Variants in CHST15 observed in about 807,000 individuals in gnomAD.
The protein encoded by CHST15 is carbohydrate sulfotransferase 15, also known as B cell RAG associated protein (GALNAC4S-6ST).
CHST15 carries 30 observed loss-of-function variants against 53.6 expected under a neutral mutation model. The ratio of observed to expected loss-of-function variants is 0.56; its 90% CI spans 0.42 to 0.76. The LOEUF is 0.76. Among genes scored for constraint, CHST15 ranks in the 30% least tolerant of loss-of-function variants. The probability of loss-of-function intolerance (pLI) is 0.00; values close to 1 mark genes in which losing one functional copy is unlikely to be tolerated. For missense variants in CHST15, 627 were observed against 740.5 expected (o/e 0.85, Z 1.78); for synonymous variants, 296 against 289.8 (o/e 1.02, Z -0.22).
intron 1 of CHST15, among the ~76,000 whole-genome samples, chr10:124,070,870 C>T (rs1216416735): frequency 6.6e-6 from 1 of 152,184 alleles, no homozygotes; most frequent in African/African-American, 2.4e-5. Context: ...CGACCCACTA[C>T]CAGGCTCACC....
In CHST15 at chr10:124,036,766, C is replaced by G. The variant is rs1947513515; in HGVS notation, c.1190+1749G>C. The stretch of plus-strand genomic sequence containing the variant: ...AGGTGAGAAATTAATAGTTTGAAAA[C>G]AGTTTTCCAATATATGTTCCAAAAT... On this transcript the variant is annotated intron_variant, in intron 5 of 7. Transcript: ENST00000435907. The surrounding 1 kb of genome is among the most constrained non-coding windows in gnomAD (Gnocchi z 5.1). Among the ~76,000 whole-genome samples, 2 of 152,138 alleles carry G rather than the reference C, an allele frequency of 1.3e-5. No individual in the cohort carries two copies. The highest frequency in any genetic ancestry group is 4.1e-4 in the South Asian group (2 of 4,832).
intron 7 of CHST15, chr10:124,011,776 C>T: frequency 1.0e-6 from 1 of 985,322 alleles, no homozygotes; most frequent in Non-Finnish European, 1.2e-6. Flanking sequence ...CCATGATCAG[C>T]AGCCAAAACT....
intron 1 of CHST15, among the ~76,000 whole-genome samples, chr10:124,078,582 G>C (rs983769834): frequency 2.6e-5 from 4 of 152,186 alleles, no homozygotes; most frequent in Non-Finnish European, 5.9e-5. Context: ...CATCAGAGAC[G>C]ATGCACCCAT....
At chr10:124,025,390 G>A (rs953811182) in intron 5 of CHST15, among the ~76,000 whole-genome samples, 1 of 152,152 alleles carries the variant, frequency 6.6e-6, no homozygotes, top group South Asian at 2.1e-4. Context: ...CTCCTTCCTC[G>A]GCTGGATGAA....
intron 1 of CHST15, among the ~76,000 whole-genome samples, chr10:124,058,112 T>C (rs1298532044): frequency 2.6e-5 from 4 of 152,192 alleles, no homozygotes; most frequent in African/African-American, 7.2e-5. Flanking sequence ...CACACCAGTG[T>C]AGGGACTAGA....
chr10:124,077,169 G>T (rs181064573), intron 1 of CHST15, among the ~76,000 whole-genome samples: 3 of 152,204 alleles, frequency 2.0e-5, no homozygotes, highest in Admixed American at 6.5e-5. Flanking sequence ...TAGAGCCAAA[G>T]AACAGATACT....
Position 124,009,284 on chromosome 10 carries a change from A to G in CHST15, c.*865T>C, listed in dbSNP as rs1946347871. 9.1e-7 allele frequency: 1 copy of G among 1,098,884 alleles called. No homozygotes were observed. The highest frequency in any genetic ancestry group is 1.1e-6 in the Non-Finnish European group (1 of 891,630). The allele number at this position is 1,098,884 out of a possible 1,614,324, so 68.1% of individuals were successfully genotyped here. On this transcript the variant is annotated 3_prime_UTR_variant, in exon 8 of 8. Transcript: ENST00000435907. ...ATTAACAGCAAAAATTTCTCTTCCA[A>G]TTATAAACTGAAGTTCTTGAGAAAA... is the stretch of plus-strand genomic sequence containing the variant.
chr10:124,025,332 C>T (rs1946955008), intron 5 of CHST15, among the ~76,000 whole-genome samples: 2 of 152,216 alleles, frequency 1.3e-5, no homozygotes, highest in African/African-American at 4.8e-5. Context: ...GAACTCACTA[C>T]CTCACTTCCT....
At chr10:124,079,789 C>T (rs1949180292) in intron 1 of CHST15, among the ~76,000 whole-genome samples, 1 of 152,194 alleles carries the variant, frequency 6.6e-6, no homozygotes, top group Non-Finnish European at 1.5e-5. Context: ...GGCCGGAAAG[C>T]AATGCTTAAA....
At chr10:124,043,962 G>GCACAGAGCAGGGAA (rs1947842786) in intron 3 of CHST15, among the ~76,000 whole-genome samples, 1 of 139,752 alleles carries the variant, frequency 7.2e-6, no homozygotes, top group African/African-American at 3.0e-5. Context: ...AGAGCAGGGA[G>GCACAGAGCAGGGAA]CAGCACAGAG....
Position 124,009,030 on chromosome 10 carries a change from G to C in CHST15, c.*1119C>G. 7.8e-7 allele frequency: 1 copy of C among 1,289,178 alleles called. No individual in the cohort carries two copies. Among genetic ancestry groups the C allele is most frequent in the Middle Eastern group, 2.1e-4 (1 of 4,690 alleles). The allele number at this position is 1,289,178 out of a possible 1,614,324, so 79.9% of individuals were successfully genotyped here. ...CTTGTGCATTGTGTTTTGGAATTGG[G>C]ACACGAGTATCTATAGTCCCTTGCT... is the stretch of plus-strand genomic sequence containing the variant. On this transcript the variant is annotated 3_prime_UTR_variant, in exon 8 of 8. Transcript: ENST00000435907.
chr10:124,074,640 A>G lies in CHST15; in HGVS notation c.-513+18829T>C, dbSNP rs901351849. Among the ~76,000 whole-genome samples, 1 of 152,040 alleles carries G rather than the reference A, an allele frequency of 6.6e-6. No homozygotes were observed. Among genetic ancestry groups the G allele is most frequent in the African/African-American group, 2.4e-5 (1 of 41,388 alleles). ...CTCCATTATGACCTGGAGCTCTCCA[A>G]TGCACCCCGCGCCTCTGCCAGACTG... is the stretch of plus-strand genomic sequence containing the variant. On this transcript the variant is annotated intron_variant, in intron 1 of 7. Transcript: ENST00000435907. This position sits in a 1 kb window ranked among gnomAD's most constrained non-coding sequence, Gnocchi z 4.4.
Position 124,021,431 on chromosome 10 carries a change from C to A in CHST15, c.1191-19G>T. On this transcript the variant is annotated intron_variant, in intron 5 of 7. Transcript: ENST00000435907. The stretch of plus-strand genomic sequence containing the variant: ...GTACAACCTGTGAATAAAATAAATG[C>A]ATATTTTTACCACCCATGAACATGC... The A allele has an allele frequency of 1.3e-6, 2 of 1,595,336 alleles. No homozygotes were observed. Among genetic ancestry groups the A allele is most frequent in the South Asian group, 1.1e-5 (1 of 88,790 alleles).
intron 7 of CHST15, chr10:124,011,354 A>C: frequency 2.1e-6 from 2 of 960,312 alleles, no homozygotes; most frequent in Non-Finnish European, 2.5e-6. Context: ...GGACAGAGTC[A>C]ACATGTGGTC....
chr10:124,084,508 C>T (rs1949357473), intron 1 of CHST15, among the ~76,000 whole-genome samples: 1 of 152,146 alleles, frequency 6.6e-6, no homozygotes, highest in Non-Finnish European at 1.5e-5. Flanking sequence ...CCCATCAAGC[C>T]CCCCACTACC....
chr10:124,029,380 G>A (rs1430684794), intron 5 of CHST15, among the ~76,000 whole-genome samples: 1 of 152,194 alleles, frequency 6.6e-6, no homozygotes, highest in Non-Finnish European at 1.5e-5. Flanking sequence ...AAACATCCAT[G>A]TTTGGTCCTA....
intron 1 of CHST15, among the ~76,000 whole-genome samples, chr10:124,070,529 C>T (rs1011741979): frequency 3.3e-5 from 5 of 152,080 alleles, no homozygotes; most frequent in African/African-American, 1.2e-4. Context: ...AAGGTGCACA[C>T]CACCATGCTC....
In CHST15 at chr10:124,021,253, C is replaced by T. The variant is rs1200791489; in HGVS notation, c.1347+3G>A. On this transcript the variant is annotated splice_donor_region_variant and intron_variant, in intron 6 of 7. Coordinates refer to ENST00000435907, the MANE Select transcript of CHST15 (RefSeq NM_001270764.2). ...GGGGGGTACGGGGGGGGGGGGTACA[C>T]ACAGGCATGGCGTTGTTGAGGGTGT... 6.3e-7 allele frequency: 1 copy of T among 1,587,212 alleles called. No homozygotes were observed. Among genetic ancestry groups the T allele is most frequent in the South Asian group, 1.1e-5 (1 of 89,290 alleles).
chr10:124,066,935 A>T (rs1326313533), intron 1 of CHST15, among the ~76,000 whole-genome samples: 1 of 152,222 alleles, frequency 6.6e-6, no homozygotes, highest in East Asian at 1.9e-4. Context: ...CTTTTGTCCC[A>T]TTCTTCCTAT....
Sources: gnomAD v4.1 joint callset for allele counts (sites outside exome capture counted in the v4.1 genomes callset) on GRCh38, gnomAD v4.1.1 for gene constraint, Gnocchi (gnomAD v3.1) non-coding constraint, MANE v1.5 for transcripts, NCBI Gene and HGNC (gene_info 2026-07-23, HGNC 2026-07-21) for gene names.